The following CSMD1 variants were observed in gnomAD, a reference collection of about 807,000 sequenced individuals.
CSMD1 encodes CUB and sushi domain-containing protein 1.
CSMD1 carries 213 observed loss-of-function variants against 417.5 expected under a neutral mutation model. That is an observed-to-expected ratio of 0.51 (90% CI 0.46 to 0.57). The LOEUF (loss-of-function observed/expected upper bound fraction) is 0.57. CSMD1 is among the 20% of genes least tolerant of loss of function. The pLI is 0.00. For missense variants in CSMD1, 6,923 were observed against 4,529.7 expected, an observed-to-expected ratio of 1.53 and a Z score of -15.17; for synonymous variants, 2,862 against 1,736.8, an observed-to-expected ratio of 1.65 and a Z score of -16.11.
intron 5 of CSMD1, among the ~76,000 whole-genome samples, chr8:3,891,118 G>C (rs1585148676): frequency 6.6e-6 from 1 of 151,520 alleles, no homozygotes; most frequent in African/African-American, 2.4e-5. Context: ...TTGTGATCTT[G>C]GCTCATTACA....
intron 3 of CSMD1, among the ~76,000 whole-genome samples, chr8:4,043,109 G>T (rs142656766): frequency 2.0e-5 from 3 of 151,954 alleles, no homozygotes; most frequent in African/African-American, 4.8e-5. Context: ...TTCCAGCCTG[G>T]GTGAGACAGT....
chr8:3,302,989 G>T (rs1016931302), intron 25 of CSMD1, among the ~76,000 whole-genome samples: 1 of 152,178 alleles, frequency 6.6e-6, no homozygotes, highest in African/African-American at 2.4e-5. Flanking sequence ...AGGTTAAAGG[G>T]GGTCTGGAGT....
chr8:3,399,564 T>G (rs759564826), intron 15 of CSMD1, 35 bp from the exon 16 acceptor site: 1 of 1,519,282 alleles, frequency 6.6e-7, no homozygotes, highest in Non-Finnish European at 8.9e-7. Flanking sequence ...TTAGATCCAA[T>G]GAGACAGAAG....
chr8:4,248,276 TATTCTTTATACA>T (rs1461360409), intron 3 of CSMD1, among the ~76,000 whole-genome samples: 2 of 152,194 alleles, frequency 1.3e-5, no homozygotes, highest in East Asian at 3.9e-4. Flanking sequence ...TCTAGTCCAC[TATTCTTTATACA>T]AACAATCTGA....
At chr8:3,255,751 C>G (rs1346335079) in intron 26 of CSMD1, among the ~76,000 whole-genome samples, 1 of 152,168 alleles carries the variant, frequency 6.6e-6, no homozygotes, top group African/African-American at 2.4e-5. Flanking sequence ...ACCGGATTTT[C>G]CAGGTGCTGT....
chr8:3,543,033 G>C (rs751426653), intron 10 of CSMD1, among the ~76,000 whole-genome samples: 10 of 152,174 alleles, frequency 6.6e-5, no homozygotes, highest in Non-Finnish European at 1.3e-4. Context: ...CTGTTTGTGG[G>C]TGTGTTCTGT....
intron 1 of CSMD1, among the ~76,000 whole-genome samples, chr8:4,868,963 CAG>C (rs1485085764): frequency 6.6e-6 from 1 of 151,720 alleles, no homozygotes; most frequent in African/African-American, 2.4e-5. Context: ...TATATACACA[CAG>C]AGACATACAA....
chr8:4,526,926 G>T (rs1386748189), intron 2 of CSMD1, among the ~76,000 whole-genome samples: 1 of 152,058 alleles, frequency 6.6e-6, no homozygotes, highest in African/African-American at 2.4e-5. Flanking sequence ...GTCAAGGTTA[G>T]ACAATCCTGG....
chr8:3,640,703 A>C (rs1232473317), intron 7 of CSMD1, among the ~76,000 whole-genome samples: 1 of 152,168 alleles, frequency 6.6e-6, no homozygotes, highest in African/African-American at 2.4e-5. Flanking sequence ...GTGTGTCTAT[A>C]AACCAGTTGT....
chr8:4,318,858 T>C (rs1021203420), intron 3 of CSMD1, among the ~76,000 whole-genome samples: 3 of 152,182 alleles, frequency 2.0e-5, no homozygotes, highest in Admixed American at 1.3e-4. Context: ...TCTTACAAGA[T>C]AGATAACATC....
intron 40 of CSMD1, among the ~76,000 whole-genome samples, chr8:3,150,321 G>C (rs377749520): frequency 6.6e-6 from 1 of 152,104 alleles, no homozygotes; most frequent in Non-Finnish European, 1.5e-5. Context: ...CGTCCCCATC[G>C]AGCTGCTCTT....
At chr8:3,720,549 C>T (rs1168779713) in intron 6 of CSMD1, among the ~76,000 whole-genome samples, 1 of 151,490 alleles carries the variant, frequency 6.6e-6, no homozygotes, top group Non-Finnish European at 1.5e-5. Context: ...TGGGGGCTAA[C>T]CTTCTTAAAC....
At chr8:4,368,472 G>T (rs1802218235) in intron 3 of CSMD1, among the ~76,000 whole-genome samples, 1 of 152,280 alleles carries the variant, frequency 6.6e-6, no homozygotes, top group Admixed American at 6.5e-5. Context: ...ATATCAGAAT[G>T]ATGCTGGTTT....
At chr8:3,560,978 T>C (rs889433684) in intron 10 of CSMD1, among the ~76,000 whole-genome samples, 1 of 152,136 alleles carries the variant, frequency 6.6e-6, no homozygotes, top group African/African-American at 2.4e-5. Context: ...GCAGTGAAAA[T>C]TACAGTGACC....
chr8:3,491,175 A>G (rs1818352491), intron 11 of CSMD1, among the ~76,000 whole-genome samples: 1 of 152,168 alleles, frequency 6.6e-6, no homozygotes, highest in Non-Finnish European at 1.5e-5. Context: ...AGACTGTCAA[A>G]GGGAACCAGG....
intron 2 of CSMD1, among the ~76,000 whole-genome samples, chr8:4,512,562 G>A (rs1161169124): frequency 6.6e-6 from 1 of 151,966 alleles, no homozygotes; most frequent in Non-Finnish European, 1.5e-5. Flanking sequence ...CACCTTCCTA[G>A]AACTAATAAG....
At chr8:3,289,669 GGTT>G (rs1170126024) in intron 25 of CSMD1, among the ~76,000 whole-genome samples, 3 of 139,948 alleles carry the variant, frequency 2.1e-5, no homozygotes, top group Admixed American at 6.9e-5. Flanking sequence ...TTTTTGATGG[GGTT>G]GTTTGTTTTT....
intron 3 of CSMD1, among the ~76,000 whole-genome samples, chr8:4,046,460 C>G (rs114144050): frequency 6.6e-6 from 1 of 152,286 alleles, no homozygotes; most frequent in East Asian, 1.9e-4. Flanking sequence ...ATAAACAGCT[C>G]AAGCTTCATG....
At chr8:4,721,605 G>C (rs1320044659) in intron 1 of CSMD1, among the ~76,000 whole-genome samples, 3 of 152,184 alleles carry the variant, frequency 2.0e-5, no homozygotes, top group South Asian at 2.1e-4. Flanking sequence ...TGCACTGTTT[G>C]TGTGAATATA....
Sources: allele counts gnomAD v4.1 joint callset (sites outside exome capture counted in the v4.1 genomes callset), GRCh38; gene constraint gnomAD v4.1.1; transcripts MANE v1.5; gene names NCBI Gene and HGNC (gene_info 2026-07-23, HGNC 2026-07-21).